The following SLC25A26 variants were observed in gnomAD, a reference collection of about 807,000 sequenced individuals.
SLC25A26 encodes the protein mitochondrial S-adenosylmethionine carrier protein.
A neutral mutation model predicts 37.8 loss-of-function variants in SLC25A26; 36 were observed. The observed-to-expected ratio is 0.95, with a 90% confidence interval of 0.73 to 1.26. SLC25A26 has a LOEUF of 1.26. Among genes scored for constraint, SLC25A26 ranks in the 50% most tolerant of loss-of-function variants. The pLI is 0.00. For synonymous variants in SLC25A26, 129 were observed against 122.5 expected (o/e 1.05, Z -0.35); for missense variants, 390 against 331.1 (o/e 1.18, Z -1.38).
chr3:66,274,576 A>G (rs1415401585), intron 5 of SLC25A26, among the ~76,000 whole-genome samples: 1 of 152,268 alleles, frequency 6.6e-6, no homozygotes, highest in Non-Finnish European at 1.5e-5. Context: ...CAACCCCATC[A>G]AAAAGTAGGC....
chr3:66,175,155 A>G (rs2070566862), intron 1 of SLC25A26, among the ~76,000 whole-genome samples: 1 of 135,404 alleles, frequency 7.4e-6, no homozygotes, highest in East Asian at 2.2e-4. Flanking sequence ...ACACACACAC[A>G]CACACATTAT....
At chr3:66,300,841 T>C (rs2075056171) in intron 5 of SLC25A26, among the ~76,000 whole-genome samples, 1 of 152,226 alleles carries the variant, frequency 6.6e-6, no homozygotes, top group Admixed American at 6.5e-5. Context: ...TAGTATCTTG[T>C]TGCATTCACT....
chr3:66,336,670 A>G (rs1455505371), intron 5 of SLC25A26, among the ~76,000 whole-genome samples: 3 of 152,202 alleles, frequency 2.0e-5, no homozygotes, highest in Non-Finnish European at 2.9e-5. Flanking sequence ...TGAATAACCA[A>G]AAATGAACTT....
chr3:66,326,568 A>G (rs939497021), intron 5 of SLC25A26, among the ~76,000 whole-genome samples: 1 of 152,194 alleles, frequency 6.6e-6, no homozygotes, highest in African/African-American at 2.4e-5. Flanking sequence ...GTCAAGTGGC[A>G]TGTGCTCCAC....
intron 1 of SLC25A26, among the ~76,000 whole-genome samples, chr3:66,166,692 T>C (rs1470907985): frequency 1.3e-5 from 2 of 152,192 alleles, no homozygotes; most frequent in African/African-American, 2.4e-5. Flanking sequence ...AGCACTCCCT[T>C]TTCCATTGCT....
chr3:66,375,193 G>A (rs969557448), intron 9 of SLC25A26, among the ~76,000 whole-genome samples: 1 of 152,190 alleles, frequency 6.6e-6, no homozygotes, highest in Non-Finnish European at 1.5e-5. Context: ...GGCTGAGAGA[G>A]GTGAGGAAGC....
At chr3:66,182,581 T>C (rs190617915) in intron 1 of SLC25A26, among the ~76,000 whole-genome samples, 2 of 152,134 alleles carry the variant, frequency 1.3e-5, no homozygotes, top group African/African-American at 2.4e-5. Context: ...AAGGTTCCCA[T>C]AGAGTTTGAA....
At chr3:66,228,736 A>G (rs1020860235) in intron 1 of SLC25A26, among the ~76,000 whole-genome samples, 7 of 152,240 alleles carry the variant, frequency 4.6e-5, no homozygotes, top group Non-Finnish European at 7.3e-5. Flanking sequence ...CAACTTTTTC[A>G]TAGCTGAGGT....
At chr3:66,352,714 A>C (rs1456057021) in intron 6 of SLC25A26, among the ~76,000 whole-genome samples, 1 of 152,000 alleles carries the variant, frequency 6.6e-6, no homozygotes, top group Non-Finnish European at 1.5e-5. Context: ...AGTGATGAAG[A>C]GGACTGACAC....
intron 6 of SLC25A26, among the ~76,000 whole-genome samples, chr3:66,356,653 G>C (rs562414574): frequency 6.6e-6 from 1 of 152,180 alleles, no homozygotes; most frequent in African/African-American, 2.4e-5. Context: ...TTTTGAGATA[G>C]GGTCTTGCTC....
intron 5 of SLC25A26, among the ~76,000 whole-genome samples, chr3:66,266,576 C>CTTTTTTTTTTT (rs1004250488): frequency 2.7e-5 from 3 of 111,528 alleles, no homozygotes; most frequent in African/African-American, 3.8e-5. Context: ...TGTTGTCACA[C>CTTTTTTTTTTT]TTTTTTTTTT....
intron 1 of SLC25A26, among the ~76,000 whole-genome samples, chr3:66,148,922 C>T (rs62246868): frequency 0.34 from 51,341 of 152,060 alleles, 8,878 homozygotes; most frequent in African/African-American, 0.4. Flanking sequence ...GGTTTGAATG[C>T]ATCTTAACAA....
chr3:66,376,625 A>G (rs974426892), intron 9 of SLC25A26, among the ~76,000 whole-genome samples: 2 of 152,256 alleles, frequency 1.3e-5, no homozygotes, highest in Non-Finnish European at 2.9e-5. Flanking sequence ...TAGTAGAAAC[A>G]TAACTTTTCT....
At chr3:66,289,548 C>G (rs145025121) in intron 5 of SLC25A26, among the ~76,000 whole-genome samples, 1,930 of 152,234 alleles carry the variant, frequency 0.013, 43 homozygotes, top group African/African-American at 0.043. Context: ...TATGGCTAGC[C>G]AGTTTTCCCA....
chr3:66,209,898 T>TATATATATATATATATATA (rs2071256377), intron 1 of SLC25A26, among the ~76,000 whole-genome samples: 2 of 38,616 alleles, frequency 5.2e-5, no homozygotes, highest in Non-Finnish European at 1.0e-4. Flanking sequence ...CTCTCTCTAT[T>TATATATATATATATATATA]TATATATATA....
At chr3:66,134,481 GA>G (rs2069917124) in intron 1 of SLC25A26, among the ~76,000 whole-genome samples, 1 of 152,164 alleles carries the variant, frequency 6.6e-6, no homozygotes. Context: ...GGGCCAGTGG[GA>G]AAATGTTGAC....
At chr3:66,297,288 A>G (rs113607350) in intron 5 of SLC25A26, among the ~76,000 whole-genome samples, 2,159 of 148,110 alleles carry the variant, frequency 0.015, 60 homozygotes, top group African/African-American at 0.05. Flanking sequence ...AGATCGTGCC[A>G]TTGCCCTCCA....
At chr3:66,369,063 C>G (rs145109136) in intron 7 of SLC25A26, among the ~76,000 whole-genome samples, 1 of 23,466 alleles carries the variant, frequency 4.3e-5, no homozygotes, top group East Asian at 2.7e-3. Context: ...AAAAAAAAAA[C>G]AAAAGACAGT....
At chr3:66,358,579 CAG>C (rs2076628311) in intron 6 of SLC25A26, among the ~76,000 whole-genome samples, 1 of 152,176 alleles carries the variant, frequency 6.6e-6, no homozygotes, top group South Asian at 2.1e-4. Context: ...ATGCCCACAC[CAG>C]AGTGTCCCAT....
Sources: allele counts gnomAD v4.1 joint callset (sites outside exome capture counted in the v4.1 genomes callset), GRCh38; gene constraint gnomAD v4.1.1; transcripts MANE v1.5; gene names NCBI Gene and HGNC (gene_info 2026-07-23, HGNC 2026-07-21).